Variants in ANO6 observed in about 807,000 individuals in gnomAD.
The protein encoded by ANO6 is anoctamin-6.
In ANO6, 106 loss-of-function variants were observed where a neutral mutation model predicts 117.5. The ratio of observed to expected loss-of-function variants is 0.90; its 90% confidence interval spans 0.77 to 1.06. ANO6 has a LOEUF of 1.06. Ranked by LOEUF, ANO6 falls within the 50% of genes least tolerant of loss-of-function variation. The probability of loss-of-function intolerance (pLI) is 0.00; values close to 1 mark genes in which losing one functional copy is unlikely to be tolerated. For missense variants in ANO6, 955 were observed against 1,121.1 expected (o/e 0.85, Z 2.12); for synonymous variants, 367 against 385.1 (o/e 0.95, Z 0.55).
intron 1 of ANO6, among the ~76,000 whole-genome samples, chr12:45,297,410 A>C (rs944975288): frequency 1.1e-4 from 17 of 152,324 alleles, no homozygotes; most frequent in African/African-American, 4.1e-4. Flanking sequence ...TCTGAGTTAT[A>C]AACTTGTAGA....
intron 17 of ANO6, among the ~76,000 whole-genome samples, chr12:45,418,845 A>G (rs1943280368): frequency 6.6e-6 from 1 of 152,220 alleles, no homozygotes; most frequent in Non-Finnish European, 1.5e-5. Flanking sequence ...GATTTGTGAC[A>G]TTGATTAAAC....
intron 19 of ANO6, among the ~76,000 whole-genome samples, chr12:45,425,344 TAAA>T (rs772511928): frequency 6.6e-5 from 10 of 152,116 alleles, no homozygotes; most frequent in African/African-American, 1.7e-4. Context: ...AATACTAACT[TAAA>T]GAAGCTGAAC....
Position 45,331,990 on chromosome 12 carries a change from G to A in ANO6, c.279+567G>A, listed in dbSNP as rs574092628. Among the ~76,000 whole-genome samples the A allele has an allele frequency of 5.3e-5, 8 of 152,066 alleles. No homozygotes were observed. The East Asian group carries it at 1.5e-3, about 29-fold the overall frequency. On this transcript the variant is annotated intron_variant, in intron 3 of 19. Coordinates refer to ENST00000320560, the MANE Select transcript of ANO6 (RefSeq NM_001025356.3). ...GAATATGGAGACTGCTCTTGACCTCGCATTTTTCTCTGTTACCTCCCTTTC... is the reference window on the plus strand; with the variant it reads ...GAATATGGAGACTGCTCTTGACCTCACATTTTTCTCTGTTACCTCCCTTTC...
Position 45,321,535 on chromosome 12 carries a change from A to G in ANO6, c.151-9760A>G, listed in dbSNP as rs147315507. ...GTCATTGACAATTAAGAAGCTGTCA[A>G]ATTCACAGTGGTGAATTTAATTGTC... is the stretch of plus-strand genomic sequence containing the variant. On this transcript the variant is annotated intron_variant, in intron 2 of 19. Transcript: ENST00000320560. Among the ~76,000 whole-genome samples the G allele has an allele frequency of 1.5e-3, 226 of 152,334 alleles. 1 individual carries two copies. The highest frequency in any genetic ancestry group is 4.9e-3 in the African/African-American group (204 of 41,582).
At chr12:45,295,162 G>A (rs1035366317) in intron 1 of ANO6, among the ~76,000 whole-genome samples, 4 of 152,186 alleles carry the variant, frequency 2.6e-5, no homozygotes, top group Non-Finnish European at 5.9e-5. Flanking sequence ...TGAAAGCTAC[G>A]CTTTTGGCTT....
At position 45,431,179 on chromosome 12, in the gene ANO6, A is replaced by G. The variant is rs1382819314; in HGVS notation, c.*1868A>G. On this transcript the variant is annotated 3_prime_UTR_variant, in exon 20 of 20. Coordinates refer to ENST00000320560, the MANE Select transcript of ANO6 (RefSeq NM_001025356.3). ...GCAATCAGAGTTCAAGACAGGCCCC[A>G]TGAAGTCTGACTGCACTGGGATGGA... is the stretch of plus-strand genomic sequence containing the variant. 5 of 985,358 alleles carry G rather than the reference A, an allele frequency of 5.1e-6. No individual in the cohort carries two copies. The highest frequency in any genetic ancestry group is 6.0e-6 in the Non-Finnish European group (5 of 829,910). The allele number at this position is 985,358 out of a possible 1,614,324, so 61.0% of individuals were successfully genotyped here. A position where few individuals can be genotyped will look rare whatever the true frequency, so the allele number is the denominator to read the frequency against.
chr12:45,347,955 A>G, intron 4 of ANO6, 73 bp from the exon 5 acceptor site: 1 of 1,459,338 alleles, frequency 6.9e-7, no homozygotes, highest in Non-Finnish European at 9.5e-7. Flanking sequence ...CAACAACATA[A>G]GAAAAATCTA....
chr12:45,398,400 A>G (rs1325735551), intron 12 of ANO6, among the ~76,000 whole-genome samples: 1 of 152,242 alleles, frequency 6.6e-6, no homozygotes, highest in African/African-American at 2.4e-5. Flanking sequence ...TACAACAGTC[A>G]ACTACTCCAA....
At chr12:45,421,002 A>G (rs1003929104) in intron 17 of ANO6, 69 bp from the exon 18 acceptor site, 1 of 1,531,596 alleles carries the variant, frequency 6.5e-7, no homozygotes, top group African/African-American at 1.4e-5. Flanking sequence ...CTGGGCAGCA[A>G]GAGCGAGACT....
chr12:45,319,358 C>A (rs1226878009), intron 2 of ANO6, among the ~76,000 whole-genome samples: 2 of 152,170 alleles, frequency 1.3e-5, no homozygotes, highest in African/African-American at 4.8e-5. Context: ...GCCTTTTCTG[C>A]ATCTATTGAG....
intron 1 of ANO6, among the ~76,000 whole-genome samples, chr12:45,268,150 A>G (rs1938280598): frequency 6.6e-6 from 1 of 152,194 alleles, no homozygotes; most frequent in African/African-American, 2.4e-5. Context: ...TAATTTACCT[A>G]ATCACCTATT....
At chr12:45,433,294 A>G (rs1242582492), downstream of ANO6, among the ~76,000 whole-genome samples, 1 of 152,158 alleles carries the variant, frequency 6.6e-6, no homozygotes, top group Non-Finnish European at 1.5e-5. Context: ...TCCCTTTGCT[A>G]TAGCATGCTC....
chr12:45,347,250 CT>C lies in ANO6; in HGVS notation c.345+170del, dbSNP rs953540737. The C allele has an allele frequency of 2.9e-5, 19 of 645,902 alleles. No individual in the cohort carries two copies. The African/African-American group carries it at 3.1e-4, about 10-fold the overall frequency. The allele number at this position is 645,902 out of a possible 1,614,324, so 40.0% of individuals were successfully genotyped here. A position where few individuals can be genotyped will look rare whatever the true frequency, so the allele number is the denominator to read the frequency against. The stretch of plus-strand genomic sequence containing the variant: ...AAATCTGCATTGTGTAGGATGTATT[CT>C]TTTTTTCTGATCAAAACTAGCAGAT... On this transcript the variant is annotated intron_variant, in intron 4 of 19. Coordinates refer to ENST00000320560, the MANE Select transcript of ANO6 (RefSeq NM_001025356.3).
intron 1 of ANO6, among the ~76,000 whole-genome samples, chr12:45,222,062 T>G (rs1334508611): frequency 6.6e-6 from 1 of 151,772 alleles, no homozygotes; most frequent in East Asian, 1.9e-4. Context: ...TTTTGTATTT[T>G]TAATAGAGGC....
chr12:45,425,761 A>G (rs1006938470), intron 19 of ANO6, among the ~76,000 whole-genome samples: 5 of 152,220 alleles, frequency 3.3e-5, no homozygotes, highest in African/African-American at 1.2e-4. Context: ...ATACTCTCCA[A>G]CTCATTTGGT....
At chr12:45,292,448 G>A (rs1475824940) in intron 1 of ANO6, among the ~76,000 whole-genome samples, 1 of 152,122 alleles carries the variant, frequency 6.6e-6, no homozygotes, top group African/African-American at 2.4e-5. Context: ...ATTTTAAATG[G>A]CTAAAGTGGC....
At chr12:45,402,942 T>G (rs1942831928) in intron 13 of ANO6, 130 bp from the exon 14 acceptor site, 1 of 912,040 alleles carries the variant, frequency 1.1e-6, no homozygotes, top group Admixed American at 2.2e-5. Context: ...CAAAACAGCT[T>G]AAATGGAAAC....
At chr12:45,296,525 T>C (rs1939299751) in intron 1 of ANO6, among the ~76,000 whole-genome samples, 1 of 152,218 alleles carries the variant, frequency 6.6e-6, no homozygotes. Flanking sequence ...TTTTTTTCTT[T>C]TTTTTCTTTT....
intron 2 of ANO6, among the ~76,000 whole-genome samples, chr12:45,305,019 A>G (rs1279056789): frequency 6.6e-6 from 1 of 152,196 alleles, no homozygotes; most frequent in African/African-American, 2.4e-5. Flanking sequence ...TCACCTGCAT[A>G]TCTGTGTTGC....
Sources: allele counts gnomAD v4.1 joint callset (sites outside exome capture counted in the v4.1 genomes callset), GRCh38; gene constraint gnomAD v4.1.1; transcripts MANE v1.5; gene names NCBI Gene and HGNC (gene_info 2026-07-23, HGNC 2026-07-21).